SMIM45: variants seen among roughly 807,000 people sequenced by gnomAD.
The protein encoded by SMIM45 is small integral membrane protein 45, also known as long intergenic non-protein coding RNA 634.
chr22:41,947,496 G>A, the SMIM45 span, among the ~76,000 whole-genome samples: 1 of 151,482 alleles, frequency 6.6e-6, no homozygotes, highest in Non-Finnish European at 1.5e-5. Flanking sequence ...GCCTCCCAAG[G>A]AGCTGGGACT....
the SMIM45 span, among the ~76,000 whole-genome samples, chr22:41,951,476 G>C: frequency 6.6e-6 from 1 of 152,182 alleles, no homozygotes; most frequent in Non-Finnish European, 1.5e-5. Flanking sequence ...TGGGAGGACT[G>C]CAGGAAGTGA....
At chr22:41,957,495 C>CTTGAT in the SMIM45 span, among the ~76,000 whole-genome samples, 2 of 152,130 alleles carry the variant, frequency 1.3e-5, no homozygotes, top group East Asian at 3.9e-4. Context: ...GCCACCGCGC[C>CTTGAT]CGGCCTACCA....
chr22:41,954,697 C>T, the SMIM45 span, among the ~76,000 whole-genome samples: 1 of 152,118 alleles, frequency 6.6e-6, no homozygotes, highest in Non-Finnish European at 1.5e-5. Context: ...CAGATGGGCA[C>T]CTTTGGGCCA....
chr22:41,946,963 C>T, the SMIM45 span: 6 of 1,576,362 alleles, frequency 3.8e-6, no homozygotes, highest in Non-Finnish European at 4.4e-6. Context: ...GACCTAGTGG[C>T]TGAAGCACCG....
At chr22:41,951,005 C>G in the SMIM45 span, among the ~76,000 whole-genome samples, 2 of 152,222 alleles carry the variant, frequency 1.3e-5, no homozygotes, top group Non-Finnish European at 2.9e-5. Context: ...AAAAACAAAC[C>G]CTCTGTGAAC....
At chr22:41,958,369 T>TG in the SMIM45 span, 2 of 456,402 alleles carry the variant, frequency 4.4e-6, no homozygotes, top group African/African-American at 2.0e-5. Context: ...TTTGGAGGGA[T>TG]GTCAGCTTGG....
the SMIM45 span, among the ~76,000 whole-genome samples, chr22:41,957,029 C>T: frequency 1.3e-5 from 2 of 152,038 alleles, no homozygotes; most frequent in Non-Finnish European, 2.9e-5. Flanking sequence ...GATCTGCCCA[C>T]CTCGGCCTCC....
At chr22:41,947,269 A>G in the SMIM45 span, 2 of 600,648 alleles carry the variant, frequency 3.3e-6, no homozygotes, top group Non-Finnish European at 6.0e-6. Context: ...CTACCCGTGG[A>G]ACACGTGGTG....
chr22:41,949,648 T>C, the SMIM45 span, among the ~76,000 whole-genome samples: 1 of 152,204 alleles, frequency 6.6e-6, no homozygotes, highest in African/African-American at 2.4e-5. Flanking sequence ...GGTCAGCATG[T>C]GCTGAGTGCC....
the SMIM45 span, chr22:41,947,121 T>A: frequency 1.9e-6 from 3 of 1,597,132 alleles, no homozygotes; most frequent in Non-Finnish European, 1.7e-6. Flanking sequence ...CGCGCCGATC[T>A]TTCAAACCGC....
At chr22:41,953,182 G>A in the SMIM45 span, among the ~76,000 whole-genome samples, 1 of 152,160 alleles carries the variant, frequency 6.6e-6, no homozygotes, top group Non-Finnish European at 1.5e-5. Flanking sequence ...GTAGGAGAGG[G>A]GCTCCGGATG....
At chr22:41,950,436 G>A in the SMIM45 span, among the ~76,000 whole-genome samples, 25 of 152,308 alleles carry the variant, frequency 1.6e-4, no homozygotes, top group South Asian at 5.2e-3. Context: ...GGTGGCTCAC[G>A]CCTGTAATCC....
the SMIM45 span, among the ~76,000 whole-genome samples, chr22:41,951,154 C>T: frequency 6.6e-6 from 1 of 152,264 alleles, no homozygotes; most frequent in African/African-American, 2.4e-5. Flanking sequence ...CCTGCCCATC[C>T]CCAGGTTTCT....
the SMIM45 span, among the ~76,000 whole-genome samples, chr22:41,951,662 A>G: frequency 2.0e-5 from 3 of 152,196 alleles, no homozygotes; most frequent in African/African-American, 7.2e-5. Context: ...GTGACCATGA[A>G]TAAGAATTAA....
chr22:41,950,087 A>G, the SMIM45 span, among the ~76,000 whole-genome samples: 22 of 122,124 alleles, frequency 1.8e-4, no homozygotes, highest in South Asian at 4.8e-3. Context: ...CCACCCAACC[A>G]TTGAACCGAA....
At chr22:41,954,202 A>ATTTTTTT in the SMIM45 span, among the ~76,000 whole-genome samples, 3 of 104,552 alleles carry the variant, frequency 2.9e-5, no homozygotes, top group Admixed American at 1.1e-4. Flanking sequence ...GGTACTTTGA[A>ATTTTTTT]TTTTTTTTTT....
chr22:41,947,184 G>C, the SMIM45 span: 1 of 1,011,626 alleles, frequency 9.9e-7, no homozygotes, highest in East Asian at 2.6e-5. Context: ...CCTTATAGGC[G>C]GGGCTTCGCG....
At chr22:41,948,838 G>A in the SMIM45 span, among the ~76,000 whole-genome samples, 3 of 152,144 alleles carry the variant, frequency 2.0e-5, no homozygotes, top group African/African-American at 4.8e-5. Flanking sequence ...CGAGGCGGGC[G>A]GATCACCTGA....
chr22:41,952,708 T>C, the SMIM45 span, among the ~76,000 whole-genome samples: 4 of 152,074 alleles, frequency 2.6e-5, no homozygotes. Context: ...GACCACGGGG[T>C]CCTCAGTCAG....
Sources: gnomAD v4.1 joint callset for allele counts (sites outside exome capture counted in the v4.1 genomes callset) on GRCh38, gnomAD v4.1.1 for gene constraint, MANE v1.5 for transcripts, NCBI Gene and HGNC (gene_info 2026-07-23, HGNC 2026-07-21) for gene names.